BICD1: variants seen among roughly 807,000 people sequenced by gnomAD.
BICD1 encodes BICD cargo adaptor 1.
In BICD1, 35 loss-of-function variants were observed where a neutral mutation model predicts 92.5. The ratio of observed to expected loss-of-function variants is 0.38; its 90% confidence interval spans 0.29 to 0.50. BICD1 has a LOEUF of 0.50. Among genes scored for constraint, BICD1 ranks in the 20% least tolerant of loss-of-function variants. The pLI is 0.93. For synonymous variants in BICD1, 429 were observed against 465.1 expected (o/e 0.92, Z 1.00); for missense variants, 950 against 1,189.8 (o/e 0.80, Z 2.97).
chr12:32,224,310 A>T (rs1292486470), intron 2 of BICD1, among the ~76,000 whole-genome samples: 1 of 152,244 alleles, frequency 6.6e-6, no homozygotes, highest in Non-Finnish European at 1.5e-5. Context: ...TGTTGTTTTT[A>T]ACTGATTTAC....
chr12:32,366,885 T>C (rs1475411520), intron 8 of BICD1, among the ~76,000 whole-genome samples: 1 of 152,232 alleles, frequency 6.6e-6, no homozygotes, highest in Non-Finnish European at 1.5e-5. Context: ...TCTTTGATTT[T>C]TTTTTAGAAC....
intron 4 of BICD1, among the ~76,000 whole-genome samples, chr12:32,320,330 A>T (rs1948616905): frequency 6.6e-6 from 1 of 151,534 alleles, no homozygotes; most frequent in African/African-American, 2.4e-5. Flanking sequence ...GCATAGAGAG[A>T]CCCCATCTCT....
chr12:32,298,718 A>C lies in BICD1; in HGVS notation c.579+4572A>C, dbSNP rs546541374. 5.3e-4 allele frequency among the ~76,000 whole-genome samples: 80 copies of C among 150,354 alleles called. No individual in the cohort carries two copies. The East Asian group carries it at 0.013, about 24-fold the overall frequency. On this transcript the variant is annotated intron_variant, in intron 3 of 9. Coordinates refer to ENST00000652176, the MANE Select transcript of BICD1 (RefSeq NM_001714.4). ...AAACCCCGTCTCTACTAAAAATACAAAATTAGCCGGGCGTGGTGGCACATG... is the reference window on the plus strand; with the variant it reads ...AAACCCCGTCTCTACTAAAAATACACAATTAGCCGGGCGTGGTGGCACATG...
intron 1 of BICD1, among the ~76,000 whole-genome samples, chr12:32,124,460 GATA>G (rs1942258931): frequency 6.6e-6 from 1 of 152,128 alleles, no homozygotes; most frequent in African/African-American, 2.4e-5. Context: ...AATGGAGAAT[GATA>G]ATAACTATAA....
At position 32,337,921 on chromosome 12, in the gene BICD1, G is replaced by GA; in HGVS notation, c.2570+111dup. ...GGAGGATGGAGGAGGGGAAGCAAAA[G>GA]AAAAAATGGGAGCTGGCATATAAAT... On this transcript the variant is annotated intron_variant, in intron 7 of 9. Coordinates refer to ENST00000652176, the MANE Select transcript of BICD1 (RefSeq NM_001714.4). The surrounding 1 kb of genome is among the most constrained non-coding windows in gnomAD (Gnocchi z 4.7). 8.0e-7 allele frequency: 1 copy of GA among 1,244,958 alleles called. No homozygotes were observed. The highest frequency in any genetic ancestry group is 1.1e-6 in the Non-Finnish European group (1 of 883,660). The allele number at this position is 1,244,958 out of a possible 1,614,324, so 77.1% of individuals were successfully genotyped here.
chr12:32,305,777 C>T lies in BICD1; in HGVS notation c.660C>T (p.Ala220=). The change falls in exon 4 of 10, where the codon GCC becomes GCT. Residue 220 remains alanine, a synonymous_variant. Coordinates refer to ENST00000652176, the MANE Select transcript of BICD1 (RefSeq NM_001714.4). ...TGCTGAACAGCCAGCTGGAAGATGC[C>T]ATCCGATTGAAAGAGATTGCTGAGC... The part of the protein sequence containing the change: ...TVLLNSQLED[A]IRLKEIAEHQ... 1.2e-6 allele frequency: 2 copies of T among 1,614,100 alleles called. No individual in the cohort carries two copies. Among genetic ancestry groups the T allele is most frequent in the Non-Finnish European group, 1.7e-6 (2 of 1,180,030 alleles).
intron 1 of BICD1, among the ~76,000 whole-genome samples, chr12:32,136,405 C>CT (rs1942734769): frequency 6.6e-6 from 1 of 152,334 alleles, no homozygotes; most frequent in Admixed American, 6.5e-5. Context: ...GCACTTTCCT[C>CT]TAACATCACC....
At chr12:32,324,664 C>A (rs1245490345) in intron 4 of BICD1, among the ~76,000 whole-genome samples, 1 of 152,098 alleles carries the variant, frequency 6.6e-6, no homozygotes, top group African/African-American at 2.4e-5. Context: ...CAACCTCCAT[C>A]CCCCGGGTTC....
Position 32,328,642 on chromosome 12 carries a change from C to T in BICD1, c.2100+87C>T, listed in dbSNP as rs1456366347. The T allele has an allele frequency of 9.3e-6, 14 of 1,497,420 alleles. No individual in the cohort carries two copies. The East Asian group carries it at 1.6e-4, about 17-fold the overall frequency. The allele number at this position is 1,497,420 out of a possible 1,614,324, so 92.8% of individuals were successfully genotyped here. ...AATTTTATTGAGTATCGAGTATCGTCAAGATGAGAGTTCAGATTCTTGGTA... is the reference window on the plus strand; with the variant it reads ...AATTTTATTGAGTATCGAGTATCGTTAAGATGAGAGTTCAGATTCTTGGTA... On this transcript the variant is annotated intron_variant, in intron 5 of 9. Coordinates refer to ENST00000652176, the MANE Select transcript of BICD1 (RefSeq NM_001714.4). The surrounding 1 kb of genome is among the most constrained non-coding windows in gnomAD (Gnocchi z 4.4).
At position 32,378,550 on chromosome 12, in the gene BICD1, A is replaced by G. The variant is rs1010964033; in HGVS notation, c.*923A>G. Reference sequence around the variant, plus strand: ...AGGGAAAAAAATGGTGTGTTTATTTAATGACCAGAATTTTTTTTACTTCTC... The same window carrying G: ...AGGGAAAAAAATGGTGTGTTTATTTGATGACCAGAATTTTTTTTACTTCTC... On this transcript the variant is annotated 3_prime_UTR_variant, in exon 10 of 10. Coordinates refer to ENST00000652176, the MANE Select transcript of BICD1 (RefSeq NM_001714.4). 2 of 152,180 alleles carry G rather than the reference A, an allele frequency of 1.3e-5. No individual in the cohort carries two copies. Among genetic ancestry groups the G allele is most frequent in the African/African-American group, 4.8e-5 (2 of 41,444 alleles). 9.4% of individuals were successfully genotyped at this position (152,180 alleles called of 1,614,324 possible). A position where few individuals can be genotyped will look rare whatever the true frequency, so the allele number is the denominator to read the frequency against.
chr12:32,237,834 CTG>C (rs775681037), intron 2 of BICD1, among the ~76,000 whole-genome samples: 122 of 152,340 alleles, frequency 8.0e-4, no homozygotes, highest in Non-Finnish European at 1.2e-3. Context: ...AAGGAGATGA[CTG>C]TTGTTTTCAT....
chr12:32,217,601 G>T (rs1339229926), intron 2 of BICD1, among the ~76,000 whole-genome samples: 1 of 152,288 alleles, frequency 6.6e-6, no homozygotes, highest in East Asian at 1.9e-4. Context: ...GACAGAGAAA[G>T]GATCTAATGA....
chr12:32,175,465 C>T (rs1363139525), intron 1 of BICD1, among the ~76,000 whole-genome samples: 2 of 152,014 alleles, frequency 1.3e-5, no homozygotes, highest in Non-Finnish European at 1.5e-5. Context: ...TACAGGTGCA[C>T]GCCACCAAGC....
At position 32,346,620 on chromosome 12, in the gene BICD1, A is replaced by C. The variant is rs1414160522; in HGVS notation, c.2764+7641A>C. Among the ~76,000 whole-genome samples, 2 of 18,432 alleles carry C rather than the reference A, an allele frequency of 1.1e-4. 1 individual carries two copies. The highest frequency in any genetic ancestry group is 1.7e-4 in the Non-Finnish European group (2 of 11,530). The allele number at this position is 18,432 out of a possible 152,430, so 12.1% of individuals were successfully genotyped here. On this transcript the variant is annotated intron_variant, in intron 8 of 9. Coordinates refer to ENST00000652176, the MANE Select transcript of BICD1 (RefSeq NM_001714.4). ...TATATATATATATATATACGTGTAT[A>C]TATATATATATATACGTGTATATAT...
intron 4 of BICD1, among the ~76,000 whole-genome samples, chr12:32,310,002 C>A (rs746522159): frequency 1.3e-5 from 2 of 150,464 alleles, no homozygotes; most frequent in Non-Finnish European, 3.0e-5. Flanking sequence ...TGGGAGAGGC[C>A]GCCTTGTGCC....
chr12:32,270,344 A>G (rs2136145001), intron 2 of BICD1, among the ~76,000 whole-genome samples: 1 of 152,232 alleles, frequency 6.6e-6, no homozygotes, highest in African/African-American at 2.4e-5. Context: ...TCACATTTTA[A>G]AAGTCGATCA....
At chr12:32,141,730 T>C (rs1942927070) in intron 1 of BICD1, among the ~76,000 whole-genome samples, 1 of 152,164 alleles carries the variant, frequency 6.6e-6, no homozygotes, top group African/African-American at 2.4e-5. Flanking sequence ...CGCCTCAGCC[T>C]CCCAAAGTGC....
chr12:32,251,093 T>C (rs1418720472), intron 2 of BICD1, among the ~76,000 whole-genome samples: 5 of 152,242 alleles, frequency 3.3e-5, no homozygotes, highest in African/African-American at 9.6e-5. Flanking sequence ...TTTATTTTTC[T>C]AATGTTTACC....
intron 4 of BICD1, among the ~76,000 whole-genome samples, chr12:32,311,235 C>G (rs550698995): frequency 9.9e-5 from 15 of 152,284 alleles, no homozygotes; most frequent in African/African-American, 3.4e-4. Flanking sequence ...CGGTGGCTCA[C>G]GCCTGTAATC....
Sources: allele counts gnomAD v4.1 joint callset (sites outside exome capture counted in the v4.1 genomes callset), GRCh38; gene constraint gnomAD v4.1.1; non-coding constraint Gnocchi (gnomAD v3.1); transcripts MANE v1.5; gene names NCBI Gene and HGNC (gene_info 2026-07-23, HGNC 2026-07-21).